The following ARHGEF3 variants were observed in gnomAD, a reference collection of about 807,000 sequenced individuals.
ARHGEF3 encodes the protein Rho guanine nucleotide exchange factor 3.
A neutral mutation model predicts 63.2 loss-of-function variants in ARHGEF3; 28 were observed. The observed-to-expected ratio is 0.44, with a 90% CI of 0.33 to 0.61. ARHGEF3 has a LOEUF of 0.61. Ranked by LOEUF, ARHGEF3 falls within the 20% of genes least tolerant of loss-of-function variation. ARHGEF3 has a pLI of 0.03. For missense variants in ARHGEF3, 533 were observed against 659.3 expected (o/e 0.81, Z 2.10); for synonymous variants, 266 against 254.2 (o/e 1.05, Z -0.44).
In ARHGEF3 at chr3:56,745,676, A is replaced by AT. The variant is rs373379471; in HGVS notation, c.613-215dup. Reference sequence around the variant, plus strand: ...GGCTCTGGCTTGCTTTCACAAAGCAATTTTTTTTTTTTTGAGACGGAGTCT... The same window carrying AT: ...GGCTCTGGCTTGCTTTCACAAAGCAATTTTTTTTTTTTTTGAGACGGAGTCT... On this transcript the variant is annotated intron_variant, in intron 6 of 9. Transcript: ENST00000296315. Among the ~76,000 whole-genome samples, 978 of 146,224 alleles carry AT rather than the reference A, an allele frequency of 6.7e-3. 8 individuals carry two copies. Among genetic ancestry groups the AT allele is most frequent in the African/African-American group, 0.02 (789 of 40,164 alleles).
At chr3:56,967,841 A>C (rs1416170780) in intron 2 of ARHGEF3, among the ~76,000 whole-genome samples, 75 of 55,142 alleles carry the variant, frequency 1.4e-3, no homozygotes, top group African/African-American at 5.0e-3. Context: ...TATTAATTAT[A>C]TTATTATATA....
At chr3:56,855,639 C>T (rs953985496) in intron 4 of ARHGEF3, among the ~76,000 whole-genome samples, 5 of 150,916 alleles carry the variant, frequency 3.3e-5, no homozygotes, top group African/African-American at 7.3e-5. Flanking sequence ...GCCGAGATTA[C>T]GCCACTGCAC....
chr3:57,068,018 C>A (rs934219217), intron 1 of ARHGEF3, among the ~76,000 whole-genome samples: 4 of 151,790 alleles, frequency 2.6e-5, no homozygotes, highest in Non-Finnish European at 4.4e-5. Context: ...CAAACAACAA[C>A]AAAAAATTAG....
intron 2 of ARHGEF3, among the ~76,000 whole-genome samples, chr3:57,019,784 T>C (rs572207289): frequency 6.6e-6 from 1 of 152,320 alleles, no homozygotes; most frequent in Non-Finnish European, 1.5e-5. Context: ...AGGATTATTA[T>C]ATGTGGCTGA....
At chr3:56,803,784 G>C (rs963878419), upstream of ARHGEF3, among the ~76,000 whole-genome samples, 1 of 152,166 alleles carries the variant, frequency 6.6e-6, no homozygotes, top group African/African-American at 2.4e-5. Context: ...CCTGGTGACA[G>C]AGTGAGACCC....
At chr3:56,753,474 G>C (rs1159227985) in intron 4 of ARHGEF3, 30 bp downstream of exon 4, 1 of 1,600,548 alleles carries the variant, frequency 6.2e-7, no homozygotes, top group Admixed American at 1.7e-5. Flanking sequence ...AATGTGACTT[G>C]ACTCAAGTGA....
chr3:56,773,878 C>T, intron 1 of ARHGEF3, 62 bp from the exon 2 acceptor site: 1 of 1,344,690 alleles, frequency 7.4e-7, no homozygotes, highest in Non-Finnish European at 1.0e-6. Context: ...CAACATAACT[C>T]CATCATACAA....
intron 1 of ARHGEF3, among the ~76,000 whole-genome samples, chr3:57,053,571 T>A (rs1449462945): frequency 1.3e-5 from 2 of 152,218 alleles, no homozygotes; most frequent in African/African-American, 4.8e-5. Context: ...CATTTTTAGA[T>A]ATTTATACCC....
chr3:56,916,381 T>C, intron 3 of ARHGEF3: 1 of 1,533,226 alleles, frequency 6.5e-7, no homozygotes, highest in Non-Finnish European at 8.7e-7. Context: ...CACCGGCTCC[T>C]AACTGCAGTG....
chr3:56,914,393 G>A (rs2041932841), intron 3 of ARHGEF3, among the ~76,000 whole-genome samples: 1 of 152,166 alleles, frequency 6.6e-6, no homozygotes, highest in Non-Finnish European at 1.5e-5. Flanking sequence ...GAATGGATAA[G>A]CAAAATGTGG....
At chr3:56,886,705 A>G (rs1417545550) in intron 3 of ARHGEF3, among the ~76,000 whole-genome samples, 1 of 152,198 alleles carries the variant, frequency 6.6e-6, no homozygotes, top group African/African-American at 2.4e-5. Context: ...CATGTCAGGC[A>G]CAGAGCTAAA....
chr3:57,020,555 A>T (rs1703214549), intron 2 of ARHGEF3, among the ~76,000 whole-genome samples: 1 of 152,184 alleles, frequency 6.6e-6, no homozygotes. Context: ...AACAAATCTG[A>T]GTTCACTCGG....
intron 2 of ARHGEF3, among the ~76,000 whole-genome samples, chr3:56,999,319 G>C (rs1702103736): frequency 6.6e-6 from 1 of 152,100 alleles, no homozygotes; most frequent in African/African-American, 2.4e-5. Flanking sequence ...CCAAAGTTCT[G>C]AGATTACAAG....
At chr3:57,029,719 T>C (rs529520723) in intron 2 of ARHGEF3, among the ~76,000 whole-genome samples, 1 of 152,246 alleles carries the variant, frequency 6.6e-6, no homozygotes, top group Non-Finnish European at 1.5e-5. Context: ...GAGGAAACCA[T>C]ATTCTAAGTA....
At chr3:57,079,190 G>A in intron 1 of ARHGEF3, 1 of 396,658 alleles carries the variant, frequency 2.5e-6, no homozygotes, top group Non-Finnish European at 4.4e-6. Flanking sequence ...AGGGTCTAGC[G>A]CGGGAGCGGG....
intron 4 of ARHGEF3, among the ~76,000 whole-genome samples, chr3:56,848,258 T>C (rs1231818915): frequency 1.3e-5 from 2 of 152,160 alleles, no homozygotes; most frequent in East Asian, 1.9e-4. Context: ...GGGTGAGTGA[T>C]AAAGGGACTT....
At chr3:56,764,744 A>T (rs1327846617) in intron 2 of ARHGEF3, among the ~76,000 whole-genome samples, 1 of 147,732 alleles carries the variant, frequency 6.8e-6, no homozygotes, top group African/African-American at 2.5e-5. Context: ...TTTAAATTAC[A>T]ATAGTCAACA....
intron 1 of ARHGEF3, among the ~76,000 whole-genome samples, chr3:57,050,822 A>C (rs1043026272): frequency 1.3e-5 from 2 of 152,198 alleles, no homozygotes; most frequent in Admixed American, 6.5e-5. Flanking sequence ...TTTGAAAGGC[A>C]ATCTATCAAT....
chr3:56,734,231 C>G (rs7427684), intron 8 of ARHGEF3, among the ~76,000 whole-genome samples: 22,929 of 151,990 alleles, frequency 0.15, 1,963 homozygotes, highest in South Asian at 0.38. Flanking sequence ...GAAATGCTTA[C>G]GAACTGAAGT....
Sources: allele counts gnomAD v4.1 joint callset (sites outside exome capture counted in the v4.1 genomes callset), GRCh38; gene constraint gnomAD v4.1.1; transcripts MANE v1.5; gene names NCBI Gene and HGNC (gene_info 2026-07-23, HGNC 2026-07-21).